ZFYVE9: variants seen among roughly 807,000 people sequenced by gnomAD.
ZFYVE9 encodes zinc finger FYVE-type containing 9, also known as zinc finger FYVE domain-containing protein 9.
A neutral mutation model predicts 126.7 loss-of-function variants in ZFYVE9; 43 were observed. The observed-to-expected ratio is 0.34, with a 90% CI of 0.27 to 0.44. ZFYVE9 has a LOEUF of 0.44. Among genes scored for constraint, ZFYVE9 ranks in the 20% least tolerant of loss-of-function variants. ZFYVE9 has a pLI of 1.00. For missense variants in ZFYVE9, 1,476 were observed against 1,697.0 expected (o/e 0.87, Z 2.29); for synonymous variants, 521 against 597.4 (o/e 0.87, Z 1.87).
chr1:52,177,354 T>C (rs1644645347), intron 1 of ZFYVE9, among the ~76,000 whole-genome samples: 2 of 152,172 alleles, frequency 1.3e-5, no homozygotes, highest in African/African-American at 4.8e-5. Flanking sequence ...TTCACCATCT[T>C]GGCCAGGCTG....
At chr1:52,168,978 C>T (rs1203785606) in intron 1 of ZFYVE9, among the ~76,000 whole-genome samples, 2 of 152,166 alleles carry the variant, frequency 1.3e-5, no homozygotes, top group Non-Finnish European at 2.9e-5. Flanking sequence ...TCTTTCCCTC[C>T]CTTAATCTGT....
intron 4 of ZFYVE9, among the ~76,000 whole-genome samples, chr1:52,257,797 C>G (rs1024481790): frequency 6.6e-6 from 1 of 152,194 alleles, no homozygotes; most frequent in African/African-American, 2.4e-5. Context: ...TGCGGTGGCG[C>G]GATCTCTGCT....
chr1:52,341,653 C>T (rs146566335), intron 17 of ZFYVE9, among the ~76,000 whole-genome samples: 13 of 152,192 alleles, frequency 8.5e-5, no homozygotes, highest in African/African-American at 3.1e-4. Context: ...AAAAATTCTA[C>T]GACTTCTGGC....
At chr1:52,287,279 ATTTTTGTGT>A (rs961497827) in intron 10 of ZFYVE9, among the ~76,000 whole-genome samples, 2 of 151,854 alleles carry the variant, frequency 1.3e-5, no homozygotes, top group Non-Finnish European at 2.9e-5. Flanking sequence ...ACTTGGAATA[ATTTTTGTGT>A]TTTTAGTAGA....
Position 52,239,459 on chromosome 1 carries a change from C to G in ZFYVE9, c.2042C>G (p.Ser681Cys). 6.2e-7 allele frequency: 1 copy of G among 1,614,152 alleles called. No homozygotes were observed. Among genetic ancestry groups the G allele is most frequent in the Non-Finnish European group, 8.5e-7 (1 of 1,180,014 alleles). Residue 681 changes from serine to cysteine, a missense_variant, in exon 4 of 19, where the codon TCT becomes TGT. Ser to Cys is a moderately radical substitution (Grantham distance 112). Transcript: ENST00000287727. ...NDLRAGQFGI[S>C]ARKPFTTLGE... ...CTCAGAGCTGGTCAGTTTGGAATTT[C>G]TGCCAGAAAGCCATTCACCACTCTG... is the stretch of plus-strand genomic sequence containing the variant.
In ZFYVE9 at chr1:52,252,649, C is replaced by T. The variant is rs1428626465; in HGVS notation, c.2179-11124C>T. On this transcript the variant is annotated intron_variant, in intron 4 of 18. Coordinates refer to ENST00000287727, the MANE Select transcript of ZFYVE9 (RefSeq NM_004799.4). ...CTGGAATTACAGGCATGAGCCACCA[C>T]GCCTGGCCGAAAAATTTGTTTTACT... 3.7e-5 allele frequency: 12 copies of T among 320,056 alleles called. 1 individual carries two copies. The highest frequency in any genetic ancestry group is 1.2e-3 in the Middle Eastern group (1 of 840). The allele number at this position is 320,056 out of a possible 1,614,324, so 19.8% of individuals were successfully genotyped here. A position where few individuals can be genotyped will look rare whatever the true frequency, so the allele number is the denominator to read the frequency against.
At chr1:52,309,779 T>A (rs990433908) in intron 13 of ZFYVE9, among the ~76,000 whole-genome samples, 4 of 152,046 alleles carry the variant, frequency 2.6e-5, no homozygotes, top group African/African-American at 9.7e-5. Flanking sequence ...TTTGGAAAAC[T>A]GAGTTTGGTG....
chr1:52,337,671 T>C, intron 15 of ZFYVE9, 101 bp from the exon 16 acceptor site: 1 of 1,371,822 alleles, frequency 7.3e-7, no homozygotes, highest in Non-Finnish European at 1.0e-6. Context: ...CAGTCAGCTT[T>C]GGAAAGCAGA....
intron 13 of ZFYVE9, among the ~76,000 whole-genome samples, chr1:52,325,156 G>C (rs1471516443): frequency 6.6e-6 from 1 of 152,022 alleles, no homozygotes; most frequent in Non-Finnish European, 1.5e-5. Flanking sequence ...GTGGGCCCCT[G>C]TAGTCCCAGC....
intron 13 of ZFYVE9, among the ~76,000 whole-genome samples, chr1:52,331,250 A>G (rs1646338355): frequency 6.6e-6 from 1 of 152,160 alleles, no homozygotes; most frequent in Non-Finnish European, 1.5e-5. Context: ...TCAATTTTAA[A>G]GGATTAGATC....
intron 4 of ZFYVE9, among the ~76,000 whole-genome samples, chr1:52,243,366 G>T (rs1645354191): frequency 6.6e-6 from 1 of 152,240 alleles, no homozygotes; most frequent in Non-Finnish European, 1.5e-5. Flanking sequence ...AGACATCTGA[G>T]AAGTGACATA....
At chr1:52,251,654 A>G (rs2124647793) in intron 4 of ZFYVE9, among the ~76,000 whole-genome samples, 1 of 152,244 alleles carries the variant, frequency 6.6e-6, no homozygotes, top group East Asian at 1.9e-4. Context: ...ATTGGTCTAT[A>G]GTTTTCTTAT....
intron 16 of ZFYVE9, among the ~76,000 whole-genome samples, chr1:52,339,792 G>C (rs1017039385): frequency 1.3e-5 from 2 of 152,194 alleles, no homozygotes; most frequent in Non-Finnish European, 2.9e-5. Flanking sequence ...GATTGAGTGG[G>C]TGACCATGCA....
chr1:52,175,824 C>G (rs1240118029), intron 1 of ZFYVE9, among the ~76,000 whole-genome samples: 1 of 152,222 alleles, frequency 6.6e-6, no homozygotes. Context: ...GCATTCTTCA[C>G]GTAGTTCTCG....
chr1:52,172,318 C>T (rs1371078363), intron 1 of ZFYVE9, among the ~76,000 whole-genome samples: 10 of 152,072 alleles, frequency 6.6e-5, no homozygotes, highest in East Asian at 3.9e-4. Flanking sequence ...TGTAGATATG[C>T]GGCGTTATTT....
chr1:52,222,033 G>C (rs575429543), intron 2 of ZFYVE9, among the ~76,000 whole-genome samples: 2 of 152,240 alleles, frequency 1.3e-5, no homozygotes, highest in Admixed American at 1.3e-4. Context: ...CCTATCTTTC[G>C]TTTGCCTTTA....
At chr1:52,300,009 A>C (rs1332073953) in intron 12 of ZFYVE9, among the ~76,000 whole-genome samples, 1 of 152,084 alleles carries the variant, frequency 6.6e-6, no homozygotes, top group African/African-American at 2.4e-5. Context: ...CCCTTTCCCC[A>C]TTAGAAGTAG....
intron 13 of ZFYVE9, among the ~76,000 whole-genome samples, chr1:52,322,377 CTT>C (rs113375062): frequency 1.7e-5 from 2 of 119,490 alleles, no homozygotes; most frequent in African/African-American, 3.0e-5. Context: ...GTGGTCTTTT[CTT>C]TTTTTTTTTT....
chr1:52,228,458 C>T (rs1645189288), intron 2 of ZFYVE9, among the ~76,000 whole-genome samples: 1 of 152,128 alleles, frequency 6.6e-6, no homozygotes, highest in Non-Finnish European at 1.5e-5. Flanking sequence ...AATCTTAAGC[C>T]TGCAGAAAAA....
Sources: gnomAD v4.1 joint callset for allele counts (sites outside exome capture counted in the v4.1 genomes callset) on GRCh38, gnomAD v4.1.1 for gene constraint, MANE v1.5 for transcripts, NCBI Gene and HGNC (gene_info 2026-07-23, HGNC 2026-07-21) for gene names.